The following YWHAZ variants were observed in gnomAD, a reference collection of about 807,000 sequenced individuals.
YWHAZ encodes the protein tyrosine 3-monooxygenase/tryptophan 5-monooxygenase activation protein zeta.
For missense variants in YWHAZ, 79 were observed against 284.8 expected (o/e 0.28, Z 5.20); for synonymous variants, 87 against 103.6 (o/e 0.84, Z 0.97).
At chr8:100,934,777 A>G (rs1478866185) in intron 2 of YWHAZ, 1 of 152,230 alleles carries the variant, frequency 6.6e-6, no homozygotes, top group Non-Finnish European at 1.5e-5. Flanking sequence ...AACTAAGTAT[A>G]TGATCCTTAT....
In YWHAZ at chr8:100,919,330, C is replaced by G. The variant is rs1812866870; in HGVS notation, c.*1363G>C. On this transcript the variant is annotated 3_prime_UTR_variant, in exon 6 of 6. Coordinates refer to ENST00000395958, the MANE Select transcript of YWHAZ (RefSeq NM_145690.3). ...AAGTGATTTGGAAGCACAAAACTTA[C>G]AGTTAATGCTACCCAATGTCATGAT... The G allele has an allele frequency of 6.6e-6, 1 of 152,610 alleles. No individual in the cohort carries two copies. Among genetic ancestry groups the G allele is most frequent in the African/African-American group, 2.4e-5 (1 of 41,424 alleles). 9.5% of individuals were successfully genotyped at this position (152,610 alleles called of 1,614,324 possible). A position where few individuals can be genotyped will look rare whatever the true frequency, so the allele number is the denominator to read the frequency against.
At chr8:100,949,660 C>T (rs1810563047) in intron 1 of YWHAZ, among the ~76,000 whole-genome samples, 1 of 152,156 alleles carries the variant, frequency 6.6e-6, no homozygotes, top group Non-Finnish European at 1.5e-5. Flanking sequence ...TAGAATATAT[C>T]ACATTGGAAG....
rs1243242624 is a variant in YWHAZ at position 100,919,508 on chromosome 8, T to C, written c.*1185A>G. 1.3e-5 allele frequency: 2 copies of C among 152,294 alleles called. No homozygotes were observed. The highest frequency in any genetic ancestry group is 4.8e-5 in the African/African-American group (2 of 41,428). 9.4% of individuals were successfully genotyped at this position (152,294 alleles called of 1,614,324 possible). On this transcript the variant is annotated 3_prime_UTR_variant, in exon 6 of 6. Coordinates refer to ENST00000395958, the MANE Select transcript of YWHAZ (RefSeq NM_145690.3). ...GGGTGGGGAGGAAGAGAGGGGATCA[T>C]GGGACATGGAAACAGTAGTTATATT...
intron 2 of YWHAZ, among the ~76,000 whole-genome samples, chr8:100,945,565 ATTTT>A (rs1422562532): frequency 6.6e-6 from 1 of 152,052 alleles, no homozygotes; most frequent in Non-Finnish European, 1.5e-5. Context: ...ATTATAATTG[ATTTT>A]TTATCATGTA....
intron 2 of YWHAZ, among the ~76,000 whole-genome samples, chr8:100,940,741 GTAT>G (rs1563683935): frequency 1.3e-5 from 2 of 152,326 alleles, no homozygotes; most frequent in South Asian, 2.1e-4. Context: ...GAGGTAGATA[GTAT>G]TATTCCCATT....
chr8:100,940,682 A>C (rs896262511), intron 2 of YWHAZ, among the ~76,000 whole-genome samples: 6 of 152,224 alleles, frequency 3.9e-5, no homozygotes, highest in African/African-American at 4.8e-5. Context: ...TTGCTATTTA[A>C]CACCACCACA....
Position 100,926,191 on chromosome 8 carries a change from TCCC to T in YWHAZ, c.295-1155_295-1153del, listed in dbSNP as rs1294826787. On this transcript the variant is annotated intron_variant, in intron 2 of 5. Coordinates refer to ENST00000395958, the MANE Select transcript of YWHAZ (RefSeq NM_145690.3). ...GGTGAACAGTTTTAACCCAACTTCT[TCCC>T]CCAATTTTTTTTTTTTTTTTTTTTA... Among the ~76,000 whole-genome samples, 12 of 136,964 alleles carry T rather than the reference TCCC, an allele frequency of 8.8e-5. No individual in the cohort carries two copies. The South Asian group carries it at 1.5e-3, about 17-fold the overall frequency. The allele number at this position is 136,964 out of a possible 152,430, so 89.9% of individuals were successfully genotyped here.
intron 2 of YWHAZ, among the ~76,000 whole-genome samples, chr8:100,942,653 G>A (rs1809959575): frequency 1.3e-5 from 2 of 152,162 alleles, no homozygotes; most frequent in Admixed American, 1.3e-4. Flanking sequence ...GAGTAATGAA[G>A]CAGAAACCCT....
At chr8:100,928,106 C>T (rs1371557268) in intron 2 of YWHAZ, among the ~76,000 whole-genome samples, 2 of 152,044 alleles carry the variant, frequency 1.3e-5, no homozygotes, top group African/African-American at 4.8e-5. Context: ...GGTGAAACCC[C>T]GGTCTCTACT....
rs1554611445 is a variant in YWHAZ at position 100,918,445 on chromosome 8, A to ATATATATATATATATATATATAG, written c.*2247_*2248insCTATATATATATATATATATATA. 3.3e-5 allele frequency: 1 copy of ATATATATATATATATATATATAG among 30,232 alleles called. No individual in the cohort carries two copies. Among genetic ancestry groups the ATATATATATATATATATATATAG allele is most frequent in the Non-Finnish European group, 8.0e-5 (1 of 12,568 alleles). 1.9% of individuals were successfully genotyped at this position (30,232 alleles called of 1,614,324 possible). A position where few individuals can be genotyped will look rare whatever the true frequency, so the allele number is the denominator to read the frequency against. ...ATATATATATATATATATATATATA[A>ATATATATATATATATATATATAG]TTATTTTACCTCCTTGGCTTGGGGG... On this transcript the variant is annotated 3_prime_UTR_variant, in exon 6 of 6. Coordinates refer to ENST00000395958, the MANE Select transcript of YWHAZ (RefSeq NM_145690.3).
Position 100,948,031 on chromosome 8 carries a change from A to T in YWHAZ, c.294+565T>A. The T allele has an allele frequency of 7.2e-7, 1 of 1,392,504 alleles. No homozygotes were observed. The allele number at this position is 1,392,504 out of a possible 1,614,324, so 86.3% of individuals were successfully genotyped here. On this transcript the variant is annotated intron_variant, in intron 2 of 5. Transcript: ENST00000395958. The surrounding 1 kb of genome is among the most constrained non-coding windows in gnomAD (Gnocchi z 4.2). ...GATTCAAACTGGAAAATCAAGCTTG[A>T]GTTGTTCATAACCTTTCATCATGGT...
chr8:100,927,385 G>A (rs1346204511), intron 2 of YWHAZ, among the ~76,000 whole-genome samples: 1 of 152,142 alleles, frequency 6.6e-6, no homozygotes, highest in Non-Finnish European at 1.5e-5. Flanking sequence ...TTAACCAGGT[G>A]TGGTGGCACA....
chr8:100,923,445 G>T (rs894429997), intron 5 of YWHAZ: 4 of 152,240 alleles, frequency 2.6e-5, no homozygotes, highest in African/African-American at 4.8e-5. Flanking sequence ...GAATTATGTT[G>T]ATGTTCCTGG....
chr8:100,921,012 A>AG (rs1812989050), intron 5 of YWHAZ, among the ~76,000 whole-genome samples: 1 of 152,176 alleles, frequency 6.6e-6, no homozygotes, highest in Non-Finnish European at 1.5e-5. Flanking sequence ...GGTTATCCAC[A>AG]GAAGGTGAAG....
intron 2 of YWHAZ, among the ~76,000 whole-genome samples, chr8:100,927,434 G>A (rs1813440638): frequency 6.6e-6 from 1 of 152,126 alleles, no homozygotes; most frequent in Non-Finnish European, 1.5e-5. Context: ...TGAGACAGGA[G>A]GATCATCTGA....
chr8:100,935,176 C>T (rs960833561), intron 2 of YWHAZ: 2 of 152,066 alleles, frequency 1.3e-5, no homozygotes, highest in Non-Finnish European at 2.9e-5. Flanking sequence ...GGTTTTGCAC[C>T]TTTAACTTTT....
Position 100,948,279 on chromosome 8 carries a change from GCTA to G in YWHAZ, c.294+314_294+316del. ...TACATTTAAGATAACCAGCTATAGAGCTACTACAAATATTCTAACCATAAGTAA... is the reference window on the plus strand; with the variant it reads ...TACATTTAAGATAACCAGCTATAGAGCTACAAATATTCTAACCATAAGTAA... On this transcript the variant is annotated intron_variant, in intron 2 of 5. Transcript: ENST00000395958. This position sits in a 1 kb window ranked among gnomAD's most constrained non-coding sequence, Gnocchi z 4.2. The G allele has an allele frequency of 1.4e-6, 1 of 722,084 alleles. No individual in the cohort carries two copies. The highest frequency in any genetic ancestry group is 3.5e-5 in the Admixed American group (1 of 28,500). 44.7% of individuals were successfully genotyped at this position (722,084 alleles called of 1,614,324 possible).
At chr8:100,928,119 A>G (rs1239244984) in intron 2 of YWHAZ, among the ~76,000 whole-genome samples, 1 of 152,136 alleles carries the variant, frequency 6.6e-6, no homozygotes, top group African/African-American at 2.4e-5. Context: ...TCTCTACTAC[A>G]AAAAGAAAAA....
chr8:100,941,700 G>A (rs1809870623), intron 2 of YWHAZ, among the ~76,000 whole-genome samples: 1 of 151,918 alleles, frequency 6.6e-6, no homozygotes, highest in African/African-American at 2.4e-5. Flanking sequence ...AGGGAGAATC[G>A]CTTGAACCCG....
Sources: gnomAD v4.1 joint callset for allele counts (sites outside exome capture counted in the v4.1 genomes callset) on GRCh38, gnomAD v4.1.1 for gene constraint, Gnocchi (gnomAD v3.1) non-coding constraint, MANE v1.5 for transcripts, NCBI Gene and HGNC (gene_info 2026-07-23, HGNC 2026-07-21) for gene names.